The following HIPK2 variants were observed in gnomAD, a reference collection of about 807,000 sequenced individuals.
The protein encoded by HIPK2 is homeodomain interacting protein kinase 2.
HIPK2 carries 27 observed loss-of-function variants against 113.7 expected under a neutral mutation model. That is an observed-to-expected ratio of 0.24 (90% confidence interval 0.17 to 0.33). The LOEUF (loss-of-function observed/expected upper bound fraction) is 0.33. Ranked by LOEUF, HIPK2 falls within the 10% of genes least tolerant of loss-of-function variation. The pLI is 1.00. For missense variants in HIPK2, 1,257 were observed against 1,588.0 expected (o/e 0.79, Z 3.54); for synonymous variants, 631 against 642.2 (o/e 0.98, Z 0.26).
In HIPK2 at chr7:139,675,222, T is replaced by A. The variant is rs527671971; in HGVS notation, c.1103+40710A>T. Among the ~76,000 whole-genome samples the A allele has an allele frequency of 4.7e-4, 71 of 152,206 alleles. No homozygotes were observed. The South Asian group carries it at 0.015, about 32-fold the overall frequency. On this transcript the variant is annotated intron_variant, in intron 2 of 14. Transcript: ENST00000406875. The stretch of plus-strand genomic sequence containing the variant: ...CAGCACATCCTGCTCAGTGACTGTG[T>A]CATCACCAAACATTTAAAAAGAGTC...
intron 12 of HIPK2, among the ~76,000 whole-genome samples, chr7:139,595,940 G>A (rs1799198930): frequency 2.0e-5 from 3 of 152,210 alleles, no homozygotes; most frequent in Non-Finnish European, 4.4e-5. Flanking sequence ...CTGGCTCTCG[G>A]TTCCAGTGCA....
intron 1 of HIPK2, among the ~76,000 whole-genome samples, chr7:139,741,898 CT>C (rs1271874456): frequency 1.3e-5 from 2 of 152,206 alleles, no homozygotes; most frequent in African/African-American, 4.8e-5. Context: ...TGAACTTGAT[CT>C]TTACATACAC....
intron 2 of HIPK2, among the ~76,000 whole-genome samples, chr7:139,657,760 T>C (rs1386234935): frequency 6.6e-6 from 1 of 152,252 alleles, no homozygotes; most frequent in East Asian, 1.9e-4. Flanking sequence ...ATAAGCTTCT[T>C]GATTAAAACA....
chr7:139,646,134 C>T (rs1051408287), intron 2 of HIPK2, among the ~76,000 whole-genome samples: 2 of 152,116 alleles, frequency 1.3e-5, no homozygotes, highest in African/African-American at 4.8e-5. Flanking sequence ...GACACAGGCT[C>T]GGAAAGCCAC....
In HIPK2 at chr7:139,569,989, G is replaced by A. The variant is rs2116426434; in HGVS notation, c.*2938C>T. Reference sequence around the variant, plus strand: ...CATTCCTGATCTGGAAGAATAAAAGGAAAGAAAATGTCAGGTGAAAGAGTA... The same window carrying A: ...CATTCCTGATCTGGAAGAATAAAAGAAAAGAAAATGTCAGGTGAAAGAGTA... On this transcript the variant is annotated 3_prime_UTR_variant, in exon 15 of 15. Coordinates refer to ENST00000406875, the MANE Select transcript of HIPK2 (RefSeq NM_022740.5). The A allele has an allele frequency of 6.6e-6, 1 of 152,218 alleles. No homozygotes were observed. The highest frequency in any genetic ancestry group is 2.4e-5 in the African/African-American group (1 of 41,540). The allele number at this position is 152,218 out of a possible 1,614,324, so 9.4% of individuals were successfully genotyped here. A position where few individuals can be genotyped will look rare whatever the true frequency, so the allele number is the denominator to read the frequency against.
Position 139,564,445 on chromosome 7 carries a change from TC to T in HIPK2, c.*8481del, listed in dbSNP as rs1204085637. 1 of 152,368 alleles carries T rather than the reference TC, an allele frequency of 6.6e-6. No individual in the cohort carries two copies. The highest frequency in any genetic ancestry group is 2.4e-5 in the African/African-American group (1 of 41,460). The allele number at this position is 152,368 out of a possible 1,614,324, so 9.4% of individuals were successfully genotyped here. ...AAAATCAATGAACCAGGTTATCTGT[TC>T]TCAATGACTCTTCCAAGATGTCAGA... On this transcript the variant is annotated 3_prime_UTR_variant, in exon 15 of 15. Coordinates refer to ENST00000406875, the MANE Select transcript of HIPK2 (RefSeq NM_022740.5).
At chr7:139,709,218 G>A (rs1480556885) in intron 2 of HIPK2, among the ~76,000 whole-genome samples, 1 of 152,112 alleles carries the variant, frequency 6.6e-6, no homozygotes, top group East Asian at 1.9e-4. Context: ...TCGGTGGGTT[G>A]AACAGTTCAC....
chr7:139,606,922 CAAAAG>C (rs1321066370), intron 9 of HIPK2, among the ~76,000 whole-genome samples: 1 of 151,912 alleles, frequency 6.6e-6, no homozygotes, highest in Non-Finnish European at 1.5e-5. Flanking sequence ...AATAAGCAAA[CAAAAG>C]AAAGAGGAAA....
At chr7:139,772,671 T>A (rs532214227) in intron 1 of HIPK2, among the ~76,000 whole-genome samples, 1 of 151,900 alleles carries the variant, frequency 6.6e-6, no homozygotes, top group East Asian at 1.9e-4. Context: ...GACTGCAACC[T>A]CCGCCTCCTG....
chr7:139,723,169 C>T (rs1795465077), intron 1 of HIPK2, among the ~76,000 whole-genome samples: 1 of 150,904 alleles, frequency 6.6e-6, no homozygotes, highest in Non-Finnish European at 1.5e-5. Context: ...TCTTAACTCA[C>T]ACAGTTACGG....
At chr7:139,757,336 G>T (rs1796379407) in intron 1 of HIPK2, among the ~76,000 whole-genome samples, 1 of 152,158 alleles carries the variant, frequency 6.6e-6, no homozygotes, top group Non-Finnish European at 1.5e-5. Context: ...AAATGTAGAG[G>T]TGGCCTAGAA....
At chr7:139,612,788 C>G (rs542529829) in intron 9 of HIPK2, among the ~76,000 whole-genome samples, 1 of 152,248 alleles carries the variant, frequency 6.6e-6, no homozygotes, top group South Asian at 2.1e-4. Context: ...GGTTTTTCAA[C>G]TATAAAATGA....
At chr7:139,632,229 T>C (rs964926441) in intron 2 of HIPK2, among the ~76,000 whole-genome samples, 1 of 152,314 alleles carries the variant, frequency 6.6e-6, no homozygotes, top group South Asian at 2.1e-4. Context: ...TAGCTCGCTA[T>C]AGTCTTGAAC....
At chr7:139,698,822 C>G (rs1794630686) in intron 2 of HIPK2, among the ~76,000 whole-genome samples, 2 of 152,124 alleles carry the variant, frequency 1.3e-5, no homozygotes, top group African/African-American at 4.8e-5. Context: ...AGCTCCTTGA[C>G]CAGGACTAAC....
chr7:139,643,328 G>GT (rs1285159705), intron 2 of HIPK2, among the ~76,000 whole-genome samples: 8 of 151,974 alleles, frequency 5.3e-5, no homozygotes, highest in East Asian at 1.9e-4. Context: ...CAGATTGGCG[G>GT]TTTTTTCTAT....
intron 1 of HIPK2, among the ~76,000 whole-genome samples, chr7:139,743,301 ACAGTTCTCAGAATAGAGAAGAATGTC>A (rs1451854695): frequency 6.6e-6 from 1 of 152,254 alleles, no homozygotes; most frequent in Admixed American, 6.5e-5. Context: ...GGCACAGGGT[ACAGTTCTCAGAATAGAGAAGAATGTC>A]CAGGTCAAAG....
At chr7:139,674,367 C>T (rs1271153506) in intron 2 of HIPK2, among the ~76,000 whole-genome samples, 2 of 152,272 alleles carry the variant, frequency 1.3e-5, no homozygotes, top group East Asian at 3.9e-4. Flanking sequence ...AAATTAAATG[C>T]TAAGCCGTAT....
intron 1 of HIPK2, among the ~76,000 whole-genome samples, chr7:139,755,998 A>G (rs1364821872): frequency 1.3e-5 from 2 of 152,204 alleles, no homozygotes; most frequent in Non-Finnish European, 2.9e-5. Context: ...TACCTTCCCC[A>G]TCTCTCAGGC....
At chr7:139,745,688 A>G (rs1234164253) in intron 1 of HIPK2, among the ~76,000 whole-genome samples, 1 of 152,038 alleles carries the variant, frequency 6.6e-6, no homozygotes, top group African/African-American at 2.4e-5. Flanking sequence ...GGCTGAGGCT[A>G]AGCACCCTGG....
Sources: gnomAD v4.1 joint callset for allele counts (sites outside exome capture counted in the v4.1 genomes callset) on GRCh38, gnomAD v4.1.1 for gene constraint, MANE v1.5 for transcripts, NCBI Gene and HGNC (gene_info 2026-07-23, HGNC 2026-07-21) for gene names.